Variants in MRPL43 observed in about 807,000 individuals in gnomAD.
The protein encoded by MRPL43 is large ribosomal subunit protein mL43.
In MRPL43, 9 loss-of-function variants were observed where a neutral mutation model predicts 12.7. That is an observed-to-expected ratio of 0.71 (90% CI 0.43 to 1.24). MRPL43 has a LOEUF of 1.24. MRPL43 is among the 50% of genes most tolerant of loss of function. The pLI is 0.00. For synonymous variants in MRPL43, 116 were observed against 96.4 expected (o/e 1.20, Z -1.19); for missense variants, 211 against 229.2 (o/e 0.92, Z 0.51).
At chr10:100,979,442 G>C, downstream of MRPL43, 1 of 1,504,730 alleles carries the variant, frequency 6.6e-7, no homozygotes, top group Non-Finnish European at 8.9e-7. Flanking sequence ...GAGTGCAGTG[G>C]CGCGATCTCG....
chr10:100,984,918 A>G, downstream of MRPL43: 1 of 1,449,348 alleles, frequency 6.9e-7, no homozygotes, highest in Non-Finnish European at 9.1e-7. Flanking sequence ...GGCATGTCCC[A>G]TCCCCATGCA....
downstream of MRPL43, chr10:100,984,461 T>C: frequency 6.6e-7 from 1 of 1,521,588 alleles, no homozygotes; most frequent in African/African-American, 1.4e-5. Flanking sequence ...GTTCCATTCA[T>C]CTGCCCAAAC....
chr10:100,983,155 G>A (rs1436561758), downstream of MRPL43: 5 of 964,256 alleles, frequency 5.2e-6, no homozygotes, highest in East Asian at 1.1e-4. Flanking sequence ...AACCTTCTGT[G>A]GAAGCATGAG....
chr10:100,986,303 T>C lies in MRPL43; in HGVS notation c.*431A>G. ...ACCTTGGATAAGTTTATTAACCTGTTTTATAAATCTGTATTCACACAGATA... is the reference window on the plus strand; with the variant it reads ...ACCTTGGATAAGTTTATTAACCTGTCTTATAAATCTGTATTCACACAGATA... On this transcript the variant is annotated 3_prime_UTR_variant, in exon 3 of 3. Transcript: ENST00000318364. 7.2e-7 allele frequency: 1 copy of C among 1,391,208 alleles called. No individual in the cohort carries two copies. The highest frequency in any genetic ancestry group is 9.3e-7 in the Non-Finnish European group (1 of 1,079,094). 86.2% of individuals were successfully genotyped at this position (1,391,208 alleles called of 1,614,324 possible).
downstream of MRPL43, chr10:100,984,528 C>T: frequency 1.3e-6 from 2 of 1,536,196 alleles, no homozygotes; most frequent in Non-Finnish European, 8.7e-7. Flanking sequence ...AATGTCACCA[C>T]CCTCTGCATG....
chr10:100,987,339 G>A lies in MRPL43; in HGVS notation c.105C>T (p.Arg35=). 6.2e-7 allele frequency: 1 copy of A among 1,612,422 alleles called. No individual in the cohort carries two copies. Among genetic ancestry groups the A allele is most frequent in the Non-Finnish European group, 8.5e-7 (1 of 1,179,832 alleles). The change falls in exon 1 of 3, where the codon CGC becomes CGT. Residue 35 remains arginine, a synonymous_variant. Transcript: ENST00000318364. ...QLQRLSFSVS[R]DGASSRGARE... ...TGGCGCCGCGAGACGAGGCGCCGTCGCGGCTGACGCTGAAGCTCAGACGCT... is the reference window on the plus strand; with the variant it reads ...TGGCGCCGCGAGACGAGGCGCCGTCACGGCTGACGCTGAAGCTCAGACGCT...
downstream of MRPL43, chr10:100,984,440 TC>T (rs1242415993): frequency 2.7e-6 from 4 of 1,498,886 alleles, no homozygotes; most frequent in Non-Finnish European, 3.6e-6. Context: ...AGGTGAGGAC[TC>T]CATCCTCCTG....
At chr10:100,984,193 G>GCCTCCCTAACACAGCCAC, downstream of MRPL43, 2 of 1,538,234 alleles carry the variant, frequency 1.3e-6, no homozygotes, top group Non-Finnish European at 1.7e-6. Flanking sequence ...CTGGGCCACT[G>GCCTCCCTAACACAGCCAC]CCTCCCTAAC....
downstream of MRPL43, chr10:100,980,164 C>G (rs1354888744): frequency 8.7e-6 from 14 of 1,614,138 alleles, no homozygotes; most frequent in Non-Finnish European, 1.2e-5. Context: ...CAATTCATCC[C>G]AAGACTTGCC....
chr10:100,978,908 G>C (rs758650850), downstream of MRPL43: 8 of 1,614,232 alleles, frequency 5.0e-6, no homozygotes, highest in East Asian at 8.9e-5. Flanking sequence ...AGTGGGTGAT[G>C]ATGACAAGGT....
chr10:100,985,139 G>T (rs1037520890), downstream of MRPL43: 76 of 433,828 alleles, frequency 1.8e-4, no homozygotes, highest in Non-Finnish European at 3.0e-4. Context: ...TCTTTTGGGG[G>T]AATCAAGCAT....
chr10:100,984,057 G>A (rs769758760), downstream of MRPL43: 8 of 1,613,708 alleles, frequency 5.0e-6, no homozygotes, highest in South Asian at 1.1e-5. Flanking sequence ...CTCCTTCGCC[G>A]AGGAACTCAG....
chr10:100,981,465 A>G (rs771837387), downstream of MRPL43: 25 of 1,614,106 alleles, frequency 1.5e-5, no homozygotes, highest in Non-Finnish European at 1.9e-5. Context: ...TCTGGAGCTT[A>G]TAGCCAAGTA....
At chr10:100,981,477 T>C (rs377674341), downstream of MRPL43, 24 of 1,614,174 alleles carry the variant, frequency 1.5e-5, no homozygotes, top group Admixed American at 1.5e-4. Flanking sequence ...AGCCAAGTAG[T>C]GGATGACAAG....
chr10:100,979,034 G>A (rs778291559), downstream of MRPL43: 22 of 1,613,502 alleles, frequency 1.4e-5, no homozygotes, highest in East Asian at 2.2e-5. Context: ...TTGGGCTGAC[G>A]TTGGGGCACG....
At chr10:100,983,673 C>G, downstream of MRPL43, 1 of 1,613,446 alleles carries the variant, frequency 6.2e-7, no homozygotes, top group Non-Finnish European at 8.5e-7. Flanking sequence ...GCTTGGTGGC[C>G]TCTGCCTCAT....
chr10:100,979,343 T>A (rs1351656272), downstream of MRPL43: 3 of 1,613,032 alleles, frequency 1.9e-6, no homozygotes, highest in Non-Finnish European at 2.5e-6. Context: ...TCAATGAGGA[T>A]GAGATAGGAT....
At chr10:100,980,398 G>T, downstream of MRPL43, 1 of 1,534,760 alleles carries the variant, frequency 6.5e-7, no homozygotes, top group South Asian at 1.1e-5. Flanking sequence ...TAATGCTTCT[G>T]AATCCATTAA....
At chr10:100,984,127 T>C, downstream of MRPL43, 1 of 1,606,736 alleles carries the variant, frequency 6.2e-7, no homozygotes, top group Non-Finnish European at 8.5e-7. Flanking sequence ...GAGAGCTCTG[T>C]CTGAGCCCAG....
Sources: gnomAD v4.1 joint callset for allele counts on GRCh38, gnomAD v4.1.1 for gene constraint, MANE v1.5 for transcripts, NCBI Gene and HGNC (gene_info 2026-07-23, HGNC 2026-07-21) for gene names.